Variants in TENM3 observed in about 807,000 individuals in gnomAD.
TENM3 encodes teneurin-3.
In TENM3, 63 loss-of-function variants were observed where a neutral mutation model predicts 255.1. That is an observed-to-expected ratio of 0.25 (90% confidence interval 0.20 to 0.30). The LOEUF is 0.30. TENM3 is among the 10% of genes least tolerant of loss of function. The probability of loss-of-function intolerance (pLI) is 1.00; values close to 1 mark genes in which losing one functional copy is unlikely to be tolerated. For missense variants in TENM3, 2,929 were observed against 3,461.1 expected (o/e 0.85, Z 3.86); for synonymous variants, 1,306 against 1,322.3 (o/e 0.99, Z 0.27).
the TENM3 span, among the ~76,000 whole-genome samples, chr4:182,000,888 A>T: frequency 1.3e-5 from 2 of 152,110 alleles, no homozygotes; most frequent in Non-Finnish European, 2.9e-5. Flanking sequence ...GGCTGATTAT[A>T]TAATAAGAAA....
the TENM3 span, among the ~76,000 whole-genome samples, chr4:181,959,599 G>A: frequency 1.3e-5 from 2 of 152,198 alleles, no homozygotes; most frequent in African/African-American, 4.8e-5. Flanking sequence ...TCACCGGCAT[G>A]CCGGCACCCC....
At chr4:181,927,085 C>T in the TENM3 span, among the ~76,000 whole-genome samples, 1 of 152,160 alleles carries the variant, frequency 6.6e-6, no homozygotes, top group African/African-American at 2.4e-5. Context: ...AACCAGGCAG[C>T]TGTTTGGGCA....
intron 1 of TENM3, among the ~76,000 whole-genome samples, chr4:182,199,048 G>A (rs1754009629): frequency 6.6e-6 from 1 of 152,222 alleles, no homozygotes; most frequent in Non-Finnish European, 1.5e-5. Flanking sequence ...TTTCAGTATA[G>A]TTTAGATAGT....
the TENM3 span, among the ~76,000 whole-genome samples, chr4:181,660,720 A>G: frequency 6.6e-6 from 1 of 152,202 alleles, no homozygotes; most frequent in Non-Finnish European, 1.5e-5. Flanking sequence ...ATCATTTGGT[A>G]CAAAGCACAT....
chr4:182,004,403 C>G, the TENM3 span, among the ~76,000 whole-genome samples: 1 of 152,054 alleles, frequency 6.6e-6, no homozygotes, highest in Non-Finnish European at 1.5e-5. Context: ...GATCTCATTC[C>G]TTTTCATGGC....
intron 1 of TENM3, among the ~76,000 whole-genome samples, chr4:182,224,340 C>T (rs913343915): frequency 1.3e-5 from 2 of 152,126 alleles, no homozygotes; most frequent in Non-Finnish European, 2.9e-5. Context: ...CCCTATATTT[C>T]TGGCTGGAAT....
chr4:181,668,801 G>C, the TENM3 span, among the ~76,000 whole-genome samples: 1 of 152,066 alleles, frequency 6.6e-6, no homozygotes, highest in Non-Finnish European at 1.5e-5. Flanking sequence ...CTTTGCCCTT[G>C]CTGCTCCTTC....
chr4:181,664,991 A>T, the TENM3 span, among the ~76,000 whole-genome samples: 1 of 152,138 alleles, frequency 6.6e-6, no homozygotes, highest in Non-Finnish European at 1.5e-5. Context: ...TTTGATAGGG[A>T]TTAACTCCTT....
chr4:182,236,530 A>T lies in TENM3; in HGVS notation c.-75-87416A>T, dbSNP rs573987832. Among the ~76,000 whole-genome samples, 26 of 152,318 alleles carry T rather than the reference A, an allele frequency of 1.7e-4. No homozygotes were observed. In the South Asian group the frequency reaches 5.0e-3, roughly 29 times the overall value. On this transcript the variant is annotated intron_variant, in intron 1 of 2. Transcript: ENST00000512480. ...TGGGCAATTACTTCTATTTCACATG[A>T]TTTTGTAGTGGACCATACAAACTTG...
chr4:182,391,879 AC>A (rs1434869611), intron 3 of TENM3, among the ~76,000 whole-genome samples: 1 of 152,182 alleles, frequency 6.6e-6, no homozygotes, highest in Non-Finnish European at 1.5e-5. Flanking sequence ...CAAAAAAAAA[AC>A]ATGCTTATGA....
chr4:182,497,004 G>A (rs1735827670), intron 3 of TENM3, among the ~76,000 whole-genome samples: 1 of 151,784 alleles, frequency 6.6e-6, no homozygotes, highest in South Asian at 2.1e-4. Flanking sequence ...GGGCTCTGGG[G>A]TTTCCAAAGC....
chr4:181,921,054 C>A, the TENM3 span, among the ~76,000 whole-genome samples: 1 of 151,964 alleles, frequency 6.6e-6, no homozygotes, highest in Non-Finnish European at 1.5e-5. Flanking sequence ...AGATATTTGG[C>A]GTTATTTCTG....
At chr4:181,833,776 G>A in the TENM3 span, among the ~76,000 whole-genome samples, 1,073 of 151,892 alleles carry the variant, frequency 7.1e-3, 14 homozygotes, top group African/African-American at 0.025. Context: ...GCACTGACCC[G>A]TGTATTAAAT....
chr4:182,597,752 T>C (rs988515900), intron 3 of TENM3, among the ~76,000 whole-genome samples: 1 of 152,210 alleles, frequency 6.6e-6, no homozygotes, highest in Non-Finnish European at 1.5e-5. Flanking sequence ...TGATTCTATC[T>C]TGAGTAAATT....
At chr4:181,637,546 T>A in the TENM3 span, among the ~76,000 whole-genome samples, 1 of 152,226 alleles carries the variant, frequency 6.6e-6, no homozygotes, top group Non-Finnish European at 1.5e-5. Context: ...GCCCGTGTTT[T>A]TCCAGTAACA....
intron 3 of TENM3, among the ~76,000 whole-genome samples, chr4:182,503,413 C>T (rs1736509739): frequency 6.6e-6 from 1 of 152,172 alleles, no homozygotes; most frequent in Admixed American, 6.5e-5. Context: ...GTTTTGCTGG[C>T]CCCTTGCTTA....
chr4:182,073,722 A>G, the TENM3 span, among the ~76,000 whole-genome samples: 3 of 152,174 alleles, frequency 2.0e-5, no homozygotes, highest in East Asian at 5.8e-4. Context: ...ACTTCATCAC[A>G]CAGGTTCTCT....
intron 24 of TENM3, among the ~76,000 whole-genome samples, chr4:182,783,136 G>A (rs1381068147): frequency 6.6e-6 from 1 of 152,048 alleles, no homozygotes; most frequent in Non-Finnish European, 1.5e-5. Context: ...AGTTGATGCA[G>A]TTTCTTCCTA....
At chr4:181,595,427 T>TC in the TENM3 span, among the ~76,000 whole-genome samples, 82 of 19,844 alleles carry the variant, frequency 4.1e-3, 1 homozygote, top group East Asian at 9.8e-3. Flanking sequence ...CGAGACTCCA[T>TC]CCCAAAAAAA....
Sources: gnomAD v4.1 joint callset for allele counts (sites outside exome capture counted in the v4.1 genomes callset) on GRCh38, gnomAD v4.1.1 for gene constraint, MANE v1.5 for transcripts, NCBI Gene and HGNC (gene_info 2026-07-23, HGNC 2026-07-21) for gene names.